The following HDAC9 variants were observed in gnomAD, a reference collection of about 807,000 sequenced individuals.
The protein encoded by HDAC9 is histone deacetylase 9.
In HDAC9, 41 loss-of-function variants were observed where a neutral mutation model predicts 139.4. That is an observed-to-expected ratio of 0.29 (90% CI 0.23 to 0.38). HDAC9 has a LOEUF of 0.38. HDAC9 is among the 10% of genes least tolerant of loss of function. The pLI, the probability that HDAC9 is intolerant of heterozygous loss-of-function variation, is 1.00. For missense variants in HDAC9, 1,147 were observed against 1,297.0 expected (o/e 0.88, Z 1.78); for synonymous variants, 517 against 476.2 (o/e 1.09, Z -1.12).
chr7:18,614,735 T>C (rs1486328194), intron 6 of HDAC9, among the ~76,000 whole-genome samples: 3 of 152,154 alleles, frequency 2.0e-5, no homozygotes, highest in Non-Finnish European at 4.4e-5. Flanking sequence ...ATTTAAACCA[T>C]CTGAAATAGA....
intron 1 of HDAC9, among the ~76,000 whole-genome samples, chr7:18,463,005 C>T (rs1793978585): frequency 6.6e-6 from 1 of 151,900 alleles, no homozygotes; most frequent in Non-Finnish European, 1.5e-5. Flanking sequence ...CTGGTCACTC[C>T]AATTCCTTGT....
intron 1 of HDAC9, among the ~76,000 whole-genome samples, chr7:18,464,995 T>TG (rs553580909): frequency 6.4e-4 from 98 of 152,208 alleles, no homozygotes; most frequent in African/African-American, 2.2e-3. Context: ...TAATACTTTC[T>TG]TGTATGTTTG....
At chr7:18,654,807 A>T (rs1790550963) in intron 11 of HDAC9, among the ~76,000 whole-genome samples, 1 of 152,070 alleles carries the variant, frequency 6.6e-6, no homozygotes, top group African/African-American at 2.4e-5. Flanking sequence ...CTGCCTCCCA[A>T]CTTCACACAC....
rs116199896 is a variant in HDAC9 at position 18,545,180 on chromosome 7, A to T, written c.23-40101A>T. On this transcript the variant is annotated intron_variant, in intron 2 of 25. Transcript: ENST00000686413. ...GGTGGACATAGGAGTGCCGTAGGAC[A>T]TTTTAAAGTGTGAATGGAAACACAG... Among the ~76,000 whole-genome samples the T allele has an allele frequency of 8.6e-3, 1,315 of 152,308 alleles. 18 individuals are homozygous for T. Among genetic ancestry groups the T allele is most frequent in the African/African-American group, 0.029 (1,218 of 41,556 alleles).
In HDAC9 at chr7:18,133,056, G is replaced by C. The variant is rs903013040; in HGVS notation, c.-96-29173G>C. ...CTGCTCACCATGGAAACAGCTGATA[G>C]CAGTGGTCTGTTTGTCAAGGAAAGC... On this transcript the variant is annotated intron_variant, in intron 1 of 12. Transcript: ENST00000417496. Among the ~76,000 whole-genome samples the C allele has an allele frequency of 2.0e-5, 3 of 152,078 alleles. No individual in the cohort carries two copies. The East Asian group carries it at 5.8e-4, about 29-fold the overall frequency.
intron 1 of HDAC9, among the ~76,000 whole-genome samples, chr7:18,290,773 A>G (rs960604855): frequency 1.3e-4 from 20 of 152,132 alleles, no homozygotes; most frequent in Admixed American, 2.0e-4. Flanking sequence ...TTTTGGGGAG[A>G]GGGTTCTTGA....
chr7:18,512,352 A>G (rs192722377), intron 2 of HDAC9, among the ~76,000 whole-genome samples: 22 of 152,308 alleles, frequency 1.4e-4, no homozygotes, highest in Middle Eastern at 3.4e-3. Flanking sequence ...GTACAAAATA[A>G]AACATTGAAA....
chr7:18,395,394 C>T (rs1312500333), intron 1 of HDAC9, among the ~76,000 whole-genome samples: 1 of 151,772 alleles, frequency 6.6e-6, no homozygotes, highest in African/African-American at 2.4e-5. Flanking sequence ...GAGTGGACTC[C>T]CTTTGCACTT....
chr7:18,306,896 C>G (rs1798948819), intron 1 of HDAC9, among the ~76,000 whole-genome samples: 1 of 152,090 alleles, frequency 6.6e-6, no homozygotes, highest in African/African-American at 2.4e-5. Context: ...TTCTCCATGT[C>G]TGTTTCCAAA....
chr7:18,256,104 C>T (rs389254), intron 2 of HDAC9, among the ~76,000 whole-genome samples: 149,839 of 152,264 alleles, frequency 0.98, 73,733 homozygotes, highest in East Asian at 1. Flanking sequence ...GAGCTAATTT[C>T]GTTTGCCCCC....
At chr7:18,512,663 A>G (rs1231063771) in intron 2 of HDAC9, among the ~76,000 whole-genome samples, 1 of 152,224 alleles carries the variant, frequency 6.6e-6, no homozygotes, top group Non-Finnish European at 1.5e-5. Flanking sequence ...TCTTATTTCC[A>G]CCTCAACTCT....
intron 17 of HDAC9, among the ~76,000 whole-genome samples, chr7:18,799,040 GACACACAC>G (rs201166800): frequency 2.1e-5 from 1 of 47,588 alleles, no homozygotes; most frequent in Middle Eastern, 9.3e-3. Flanking sequence ...TGTGCCCTAA[GACACACAC>G]ACACACACAC....
chr7:18,681,548 A>T (rs1435645001), intron 12 of HDAC9, among the ~76,000 whole-genome samples: 1 of 152,070 alleles, frequency 6.6e-6, no homozygotes, highest in Non-Finnish European at 1.5e-5. Flanking sequence ...GATTTGCAAT[A>T]AGGACTTCTG....
chr7:18,434,686 A>G (rs1324524973), intron 1 of HDAC9, among the ~76,000 whole-genome samples: 3 of 152,176 alleles, frequency 2.0e-5, no homozygotes, highest in Admixed American at 1.3e-4. Context: ...CAAAACTACA[A>G]GAGATACCAC....
intron 2 of HDAC9, among the ~76,000 whole-genome samples, chr7:18,216,967 G>A (rs1241115296): frequency 6.6e-6 from 1 of 151,984 alleles, no homozygotes; most frequent in Non-Finnish European, 1.5e-5. Flanking sequence ...AAACCGTATT[G>A]ACTTACCATA....
chr7:18,808,179 A>C (rs1793881502), intron 17 of HDAC9: 1 of 152,206 alleles, frequency 6.6e-6, no homozygotes, highest in African/African-American at 2.4e-5. Flanking sequence ...CACGTGAAGC[A>C]GTGAAGGAGG....
chr7:18,224,028 C>T (rs1304581417), intron 2 of HDAC9, among the ~76,000 whole-genome samples: 1 of 152,070 alleles, frequency 6.6e-6, no homozygotes, highest in Admixed American at 6.6e-5. Flanking sequence ...TTTTAATTAA[C>T]TTTTTTAGTA....
chr7:18,198,802 C>T (rs550363714), intron 2 of HDAC9, among the ~76,000 whole-genome samples: 2 of 152,196 alleles, frequency 1.3e-5, no homozygotes, highest in South Asian at 4.2e-4. Flanking sequence ...TAGAAACTGT[C>T]AAACAGAAAT....
rs144000152 is a variant in HDAC9, at chr7:18,328,158, C to G, written c.-42+37643C>G. Among the ~76,000 whole-genome samples, 247 of 151,890 alleles carry G rather than the reference C, an allele frequency of 1.6e-3. 1 individual carries two copies. The highest frequency in any genetic ancestry group is 5.7e-3 in the African/African-American group (235 of 41,474). On this transcript the variant is annotated intron_variant, in intron 1 of 3. Coordinates refer to the HDAC9 transcript ENST00000413509. ...GTATTTTTCTCTTTGAACTTTAGTTCCTATTGAAATTGGAGAGGAAACTAC... is the reference window on the plus strand; with the variant it reads ...GTATTTTTCTCTTTGAACTTTAGTTGCTATTGAAATTGGAGAGGAAACTAC...
Sources: gnomAD v4.1 joint callset for allele counts (sites outside exome capture counted in the v4.1 genomes callset) on GRCh38, gnomAD v4.1.1 for gene constraint, MANE v1.5 for transcripts, NCBI Gene and HGNC (gene_info 2026-07-23, HGNC 2026-07-21) for gene names.